FYB1: variants seen among roughly 807,000 people sequenced by gnomAD.
FYB1 encodes the protein FYN-binding protein 1.
Under a neutral mutation model 94.1 loss-of-function variants are expected in FYB1, and 41 were observed. The ratio of observed to expected loss-of-function variants is 0.44; its 90% CI spans 0.34 to 0.57. The LOEUF (loss-of-function observed/expected upper bound fraction) is 0.57, where lower values mean the gene tolerates loss of function less well. FYB1 is among the 20% of genes least tolerant of loss of function. The probability of loss-of-function intolerance (pLI) is 0.02; values close to 1 mark genes in which losing one functional copy is unlikely to be tolerated. For missense variants in FYB1, 1,050 were observed against 976.8 expected (o/e 1.07, Z -1.00); for synonymous variants, 367 against 353.2 (o/e 1.04, Z -0.44).
At chr5:39,257,481 TGTGTG>T (rs763710992) in intron 1 of FYB1, among the ~76,000 whole-genome samples, 6 of 152,072 alleles carry the variant, frequency 3.9e-5, no homozygotes, top group Admixed American at 2.6e-4. Flanking sequence ...TAGATTTTGC[TGTGTG>T]ACAGGCATTA....
At chr5:39,226,843 A>G (rs1406087163) in intron 1 of FYB1, among the ~76,000 whole-genome samples, 2 of 152,202 alleles carry the variant, frequency 1.3e-5, no homozygotes, top group African/African-American at 4.8e-5. Context: ...TTCATTTATC[A>G]TTCTTAGAGT....
intron 16 of FYB1, among the ~76,000 whole-genome samples, chr5:39,112,811 A>C (rs1318205214): frequency 6.6e-6 from 1 of 152,108 alleles, no homozygotes; most frequent in African/African-American, 2.4e-5. Flanking sequence ...CTGTGTGTTC[A>C]AGAGTTCTAA....
chr5:39,245,367 A>T (rs1458512524), intron 1 of FYB1, among the ~76,000 whole-genome samples: 1 of 152,190 alleles, frequency 6.6e-6, no homozygotes, highest in African/African-American at 2.4e-5. Context: ...GGAATAGAGA[A>T]TATAACTGAT....
chr5:39,256,580 T>C (rs1264272689), intron 1 of FYB1, among the ~76,000 whole-genome samples: 1 of 152,218 alleles, frequency 6.6e-6, no homozygotes, highest in Non-Finnish European at 1.5e-5. Flanking sequence ...GGTTGGTAGC[T>C]ACAGGTGGAC....
At chr5:39,175,146 G>A (rs1161454933) in intron 2 of FYB1, among the ~76,000 whole-genome samples, 1 of 152,152 alleles carries the variant, frequency 6.6e-6, no homozygotes, top group African/African-American at 2.4e-5. Flanking sequence ...AAAGGGAAAA[G>A]GGGCATGAGG....
At position 39,134,328 on chromosome 5, in the gene FYB1, G is replaced by A. The variant is rs1429677420; in HGVS notation, c.1697C>T (p.Ala566Val). The A allele has an allele frequency of 3.7e-6, 6 of 1,608,804 alleles. No homozygotes were observed. The highest frequency in any genetic ancestry group is 4.3e-6 in the Non-Finnish European group (5 of 1,176,150). Residue 566 changes from alanine to valine, a missense_variant, in exon 9 of 19, where the codon GCT (alanine) becomes GTT (valine). Coordinates refer to ENST00000512982, the MANE Select transcript of FYB1 (RefSeq NM_001465.6). ...CAAAGAATCATAGTCAATCTCTACAGCAGTTGTTTTAATATAGCCATCTAC... is the reference window on the plus strand; with the variant it reads ...CAAAGAATCATAGTCAATCTCTACAACAGTTGTTTTAATATAGCCATCTAC... ...RGSYGYIKTT[A>V]VEIDYDSLKL...
rs374704364 is a variant in FYB1 at position 39,157,725 on chromosome 5, G to C, written c.1136-4121C>G. On this transcript the variant is annotated intron_variant, in intron 2 of 18. Coordinates refer to ENST00000512982, the MANE Select transcript of FYB1 (RefSeq NM_001465.6). ...CCTCATCTCCCAAAGCTCAGGGGGG[G>C]AATGCCTGGGTATCTGTGATTTGAA... Among the ~76,000 whole-genome samples the C allele has an allele frequency of 3.9e-5, 6 of 152,178 alleles. No homozygotes were observed. The East Asian group carries it at 9.6e-4, about 24-fold the overall frequency.
At chr5:39,142,408 C>T (rs2150335410) in intron 3 of FYB1, among the ~76,000 whole-genome samples, 1 of 152,220 alleles carries the variant, frequency 6.6e-6, no homozygotes, top group South Asian at 2.1e-4. Flanking sequence ...TGCAGTTATA[C>T]TCATCCTTAC....
chr5:39,197,674 T>C lies in FYB1; in HGVS notation c.1135+4152A>G, dbSNP rs1481387433. On this transcript the variant is annotated intron_variant, in intron 2 of 18. Transcript: ENST00000512982. ...TACCAGTGTCTTGGGATAACAGCCA[T>C]CTATACTGGCTTTGCAGCCTCTCCA... Among the ~76,000 whole-genome samples, 2 of 152,256 alleles carry C rather than the reference T, an allele frequency of 1.3e-5. 1 individual carries two copies. The highest frequency in any genetic ancestry group is 2.9e-5 in the Non-Finnish European group (2 of 68,042).
chr5:39,152,634 T>A (rs1199999097), intron 3 of FYB1, among the ~76,000 whole-genome samples: 1 of 152,236 alleles, frequency 6.6e-6, no homozygotes, highest in Non-Finnish European at 1.5e-5. Flanking sequence ...TTCCATTTTA[T>A]TCCAACCTGC....
chr5:39,245,140 T>C (rs1259287793), intron 1 of FYB1, among the ~76,000 whole-genome samples: 1 of 152,108 alleles, frequency 6.6e-6, no homozygotes, highest in Non-Finnish European at 1.5e-5. Flanking sequence ...TCTGTTGTAC[T>C]GCAATTAAAA....
At chr5:39,245,538 A>G (rs529494649) in intron 1 of FYB1, among the ~76,000 whole-genome samples, 1 of 152,044 alleles carries the variant, frequency 6.6e-6, no homozygotes, top group African/African-American at 2.4e-5. Flanking sequence ...CTATTAAGGG[A>G]TATCCAAGAG....
intron 1 of FYB1, among the ~76,000 whole-genome samples, chr5:39,238,247 A>C (rs1170634837): frequency 2.0e-5 from 3 of 152,012 alleles, no homozygotes; most frequent in Non-Finnish European, 4.4e-5. Context: ...TATTATATAC[A>C]TCCTATAATA....
intron 16 of FYB1, among the ~76,000 whole-genome samples, chr5:39,113,064 A>G (rs1338525974): frequency 6.6e-6 from 1 of 152,136 alleles, no homozygotes; most frequent in Non-Finnish European, 1.5e-5. Flanking sequence ...CCTGTCTAGT[A>G]CCTTTAAAAA....
At chr5:39,227,302 A>G (rs1750519987) in intron 1 of FYB1, among the ~76,000 whole-genome samples, 2 of 152,226 alleles carry the variant, frequency 1.3e-5, no homozygotes, top group Non-Finnish European at 2.9e-5. Context: ...ACAACTGGAG[A>G]AATTTCAATA....
intron 1 of FYB1, among the ~76,000 whole-genome samples, chr5:39,210,366 G>T (rs1348012344): frequency 6.6e-6 from 1 of 152,246 alleles, no homozygotes; most frequent in Non-Finnish European, 1.5e-5. Context: ...CTGGTCTGGT[G>T]TTATTCCGAG....
chr5:39,206,165 G>A (rs937054772), intron 1 of FYB1, among the ~76,000 whole-genome samples: 3 of 152,208 alleles, frequency 2.0e-5, no homozygotes, highest in African/African-American at 7.2e-5. Context: ...TTCACTGGAT[G>A]TTGAAAGACA....
Position 39,120,310 on chromosome 5 carries a change from T to C in FYB1, c.2139-676A>G, listed in dbSNP as rs916303296. Among the ~76,000 whole-genome samples the C allele has an allele frequency of 1.9e-4, 29 of 151,734 alleles. 1 individual carries two copies. Among genetic ancestry groups the C allele is most frequent in the Non-Finnish European group, 7.4e-5 (5 of 67,898 alleles). Reference sequence around the variant, plus strand: ...GGAGAAAGTAAGAAAGATAAGCACATCCTAAGTGTTTAGATCAGTTAATGG... The same window carrying C: ...GGAGAAAGTAAGAAAGATAAGCACACCCTAAGTGTTTAGATCAGTTAATGG... On this transcript the variant is annotated intron_variant, in intron 14 of 18. Transcript: ENST00000512982.
intron 2 of FYB1, among the ~76,000 whole-genome samples, chr5:39,180,794 TTTATA>T (rs1746152334): frequency 6.6e-6 from 1 of 152,224 alleles, no homozygotes; most frequent in African/African-American, 2.4e-5. Context: ...TTCTACCCTA[TTTATA>T]TTATAATTTT....
Sources: allele counts gnomAD v4.1 joint callset (sites outside exome capture counted in the v4.1 genomes callset), GRCh38; gene constraint gnomAD v4.1.1; transcripts MANE v1.5; gene names NCBI Gene and HGNC (gene_info 2026-07-23, HGNC 2026-07-21).